Variants in SYTL2 observed in about 807,000 individuals in gnomAD.
SYTL2 encodes the protein synaptotagmin-like protein 2.
SYTL2 carries 165 observed loss-of-function variants against 198.7 expected under a neutral mutation model. The observed-to-expected ratio is 0.83, with a 90% CI of 0.73 to 0.94. The LOEUF is 0.94. SYTL2 is among the 40% of genes least tolerant of loss of function. SYTL2 has a pLI of 0.00. For missense variants in SYTL2, 2,835 were observed against 2,582.8 expected (o/e 1.10, Z -2.12); for synonymous variants, 966 against 917.7 (o/e 1.05, Z -0.95).
chr11:85,825,791 G>A, the SYTL2 span, among the ~76,000 whole-genome samples: 1 of 152,228 alleles, frequency 6.6e-6, no homozygotes, highest in Non-Finnish European at 1.5e-5. Context: ...TCCCGTTAGT[G>A]TAATCTTTCA....
intron 1 of SYTL2, among the ~76,000 whole-genome samples, chr11:85,794,575 C>A (rs2092776198): frequency 6.6e-6 from 1 of 152,166 alleles, no homozygotes; most frequent in Non-Finnish European, 1.5e-5. Flanking sequence ...TCAAAAGAAT[C>A]CAGATTCTCA....
chr11:85,726,536 C>A lies in SYTL2; in HGVS notation c.2822G>T (p.Arg941Leu). 6.2e-7 allele frequency: 1 copy of A among 1,601,116 alleles called. No individual in the cohort carries two copies. Among genetic ancestry groups the A allele is most frequent in the Non-Finnish European group, 8.5e-7 (1 of 1,179,216 alleles). ...LQPPSNVGSERHAPLEKDRPL... is the reference protein window; with the variant it reads ...LQPPSNVGSELHAPLEKDRPL... ...TCTGTCTTTCTCCAATGGAGCATGTCGTTCACTCCCGACATTTGAGGGAGG... is the reference window on the plus strand; with the variant it reads ...TCTGTCTTTCTCCAATGGAGCATGTAGTTCACTCCCGACATTTGAGGGAGG... The change falls in exon 8 of 20, where the codon CGA becomes CTA. Residue 941 changes from arginine (R) to leucine (L), a missense_variant. By Grantham distance (102) the Arg-to-Leu change is moderately radical. Transcript: ENST00000359152.
At chr11:85,801,472 C>T (rs1308889235) in intron 1 of SYTL2, among the ~76,000 whole-genome samples, 2 of 152,168 alleles carry the variant, frequency 1.3e-5, no homozygotes, top group East Asian at 1.9e-4. Context: ...ATTATGTACT[C>T]TCCTATAGAA....
intron 1 of SYTL2, among the ~76,000 whole-genome samples, chr11:85,769,687 G>T (rs995878764): frequency 3.3e-5 from 5 of 152,164 alleles, no homozygotes; most frequent in Non-Finnish European, 5.9e-5. Context: ...CTCCAACAGG[G>T]ATGGCACCCA....
Position 85,733,986 on chromosome 11 carries a change from G to T in SYTL2, c.1343C>A (p.Ser448Ter). ...SPTINEPKDK[S>*]SELTRLESVL... The stretch of plus-strand genomic sequence containing the variant: ...AGATTCAAGCCTTGTTAATTCTGAT[G>T]ATTTATCTTTGGGTTCATTGATGGT... The change falls in exon 7 of 20, where the codon TCA becomes TAA. Residue 448 changes from serine to a stop codon, truncating the protein, a stop_gained. Coordinates refer to ENST00000359152, the MANE Select transcript of SYTL2 (RefSeq NM_206927.4). LOFTEE classifies it high-confidence loss of function. The T allele has an allele frequency of 6.2e-7, 1 of 1,614,136 alleles. No individual in the cohort carries two copies. Among genetic ancestry groups the T allele is most frequent in the Non-Finnish European group, 8.5e-7 (1 of 1,179,972 alleles).
At chr11:85,757,562 G>A in intron 2 of SYTL2, 63 bp downstream of exon 2, 1 of 1,569,626 alleles carries the variant, frequency 6.4e-7, no homozygotes, top group Non-Finnish European at 8.7e-7. Flanking sequence ...AAACCCCAGT[G>A]TCCTATTTTC....
At chr11:85,773,617 C>T (rs1308656526) in intron 1 of SYTL2, among the ~76,000 whole-genome samples, 1 of 152,012 alleles carries the variant, frequency 6.6e-6, no homozygotes. Flanking sequence ...ATGCCATGTT[C>T]ATCTCCTCTG....
chr11:85,754,810 A>C (rs1214825746), intron 2 of SYTL2, among the ~76,000 whole-genome samples: 1 of 152,176 alleles, frequency 6.6e-6, no homozygotes, highest in African/African-American at 2.4e-5. Flanking sequence ...CTCCGGTTCC[A>C]AGCAGCAGAG....
intron 1 of SYTL2, among the ~76,000 whole-genome samples, chr11:85,765,192 A>G (rs644972): frequency 0.59 from 89,842 of 152,132 alleles, 26,965 homozygotes; most frequent in Middle Eastern, 0.64. Context: ...AGGTGAACAA[A>G]TGAAAGGATA....
At chr11:85,826,703 C>G in the SYTL2 span, among the ~76,000 whole-genome samples, 1 of 152,204 alleles carries the variant, frequency 6.6e-6, no homozygotes, top group Non-Finnish European at 1.5e-5. Context: ...GGAGAAGTTG[C>G]TACCCATGCT....
chr11:85,791,899 T>A (rs1405930614), intron 1 of SYTL2, among the ~76,000 whole-genome samples: 2 of 152,114 alleles, frequency 1.3e-5, no homozygotes, highest in African/African-American at 2.4e-5. Flanking sequence ...TCTCATTTCC[T>A]GGGAATTCTA....
chr11:85,736,635 AT>A lies in SYTL2; in HGVS notation c.472-21del. 7.6e-7 allele frequency: 1 copy of A among 1,315,992 alleles called. No individual in the cohort carries two copies. Among genetic ancestry groups the A allele is most frequent in the Admixed American group, 1.8e-5 (1 of 56,742 alleles). 81.5% of individuals were successfully genotyped at this position (1,315,992 alleles called of 1,614,324 possible). On this transcript the variant is annotated intron_variant, in intron 5 of 19. Transcript: ENST00000359152. ...CCTCTGCTGGGGACAAATATTGTTT[AT>A]TAAACTTATTTTAAATGTCATGACA...
intron 1 of SYTL2, among the ~76,000 whole-genome samples, chr11:85,784,423 A>T (rs547076069): frequency 6.6e-6 from 1 of 152,308 alleles, no homozygotes; most frequent in Non-Finnish European, 1.5e-5. Context: ...AAGAATAAGT[A>T]AAATAACAGA....
At chr11:85,766,104 G>A (rs1174708800) in intron 1 of SYTL2, among the ~76,000 whole-genome samples, 1 of 152,130 alleles carries the variant, frequency 6.6e-6, no homozygotes, top group Admixed American at 6.5e-5. Flanking sequence ...CAAGAGCGCT[G>A]GACCCTGAAA....
In SYTL2 at chr11:85,725,801, C is replaced by T; in HGVS notation, c.3557G>A (p.Gly1186Glu). Reference sequence around the variant, plus strand: ...ATGCTCATTAATGATCTTCTCAGGTCCTTTGACTTCTTCCTCAGTATCAGC... The same window carrying T: ...ATGCTCATTAATGATCTTCTCAGGTTCTTTGACTTCTTCCTCAGTATCAGC... ...DFADTEEEVKGPEKIINEHVD... is the reference protein window; with the variant it reads ...DFADTEEEVKEPEKIINEHVD... Residue 1186 changes from glycine to glutamate, a missense_variant, in exon 8 of 20, where the codon GGA (glycine) becomes GAA (glutamate). Gly to Glu is a moderately conservative substitution (Grantham distance 98). Around this residue, in one of 3 missense-constraint regions of SYTL2, gnomAD observed 2,645 missense variants for 2,381.7 expected, o/e 1.11. Coordinates refer to ENST00000359152, the MANE Select transcript of SYTL2 (RefSeq NM_206927.4). 6.2e-7 allele frequency: 1 copy of T among 1,614,096 alleles called. No homozygotes were observed. Among genetic ancestry groups the T allele is most frequent in the Non-Finnish European group, 8.5e-7 (1 of 1,179,970 alleles).
chr11:85,732,302 C>T (rs1226159879), intron 7 of SYTL2, among the ~76,000 whole-genome samples: 2 of 152,142 alleles, frequency 1.3e-5, no homozygotes, highest in Non-Finnish European at 2.9e-5. Flanking sequence ...CGTGTGTTTA[C>T]TGCAGCACTG....
At chr11:85,749,971 A>G (rs538216055) in intron 2 of SYTL2, among the ~76,000 whole-genome samples, 2 of 152,238 alleles carry the variant, frequency 1.3e-5, no homozygotes, top group South Asian at 4.2e-4. Context: ...GCTCCTGACC[A>G]CCTAAAAAGG....
intron 1 of SYTL2, among the ~76,000 whole-genome samples, chr11:85,800,355 A>G (rs1351048176): frequency 6.6e-6 from 1 of 152,098 alleles, no homozygotes; most frequent in Non-Finnish European, 1.5e-5. Flanking sequence ...GGCTCACTGC[A>G]CCCTTGATAT....
intron 14 of SYTL2, among the ~76,000 whole-genome samples, chr11:85,708,565 T>C (rs2085629906): frequency 6.6e-6 from 1 of 152,212 alleles, no homozygotes; most frequent in South Asian, 2.1e-4. Flanking sequence ...AATTTAAATA[T>C]GAAAATTCTC....
Sources: allele counts gnomAD v4.1 joint callset (sites outside exome capture counted in the v4.1 genomes callset), GRCh38; gene constraint gnomAD v4.1.1; regional missense constraint gnomAD v4.1.1; transcripts MANE v1.5; gene names NCBI Gene and HGNC (gene_info 2026-07-23, HGNC 2026-07-21).